Variants in SDK1 observed in about 807,000 individuals in gnomAD.
The protein encoded by SDK1 is protein sidekick-1.
Under a neutral mutation model 245.5 loss-of-function variants are expected in SDK1, and 157 were observed. That is an observed-to-expected ratio of 0.64 (90% CI 0.56 to 0.73). The LOEUF is 0.73. Among genes scored for constraint, SDK1 ranks in the 30% least tolerant of loss-of-function variants. The pLI, the probability that SDK1 is intolerant of heterozygous loss-of-function variation, is 0.00. For missense variants in SDK1, 3,583 were observed against 3,002.3 expected, an observed-to-expected ratio of 1.19 and a Z score of -4.52; for synonymous variants, 1,647 against 1,278.5, an observed-to-expected ratio of 1.29 and a Z score of -6.15.
intron 21 of SDK1, 149 bp downstream of exon 21, chr7:4,077,338 G>T: frequency 2.8e-6 from 2 of 722,034 alleles, no homozygotes; most frequent in Non-Finnish European, 4.6e-6. Flanking sequence ...GGGTAAATGG[G>T]TGTTGACCCC....
At chr7:3,659,821 C>T (rs754035793) in intron 4 of SDK1, among the ~76,000 whole-genome samples, 15 of 152,108 alleles carry the variant, frequency 9.9e-5, no homozygotes, top group South Asian at 2.1e-4. Context: ...GGGTGGATGA[C>T]GTGGAGAAAA....
intron 26 of SDK1, chr7:4,129,622 A>G (rs1784655607): frequency 2.4e-6 from 3 of 1,273,972 alleles, no homozygotes; most frequent in South Asian, 1.9e-5. Context: ...TGTGGTTGGC[A>G]TGGCTGCAGT....
chr7:3,722,238 T>C (rs963025688), intron 4 of SDK1, among the ~76,000 whole-genome samples: 1 of 152,092 alleles, frequency 6.6e-6, no homozygotes, highest in Non-Finnish European at 1.5e-5. Context: ...CTTGGTAGAC[T>C]GTACAGAAGA....
chr7:3,775,866 G>A (rs923354355), intron 4 of SDK1, among the ~76,000 whole-genome samples: 5 of 152,148 alleles, frequency 3.3e-5, no homozygotes, highest in African/African-American at 4.8e-5. Flanking sequence ...GTGAGCCACC[G>A]CGCCCGGCCT....
intron 5 of SDK1, among the ~76,000 whole-genome samples, chr7:3,824,087 A>G (rs1779712094): frequency 6.6e-6 from 1 of 152,008 alleles, no homozygotes; most frequent in African/African-American, 2.4e-5. Context: ...TGAGGGCTCT[A>G]AGCAATGAAC....
intron 1 of SDK1, among the ~76,000 whole-genome samples, chr7:3,509,485 C>G (rs983309241): frequency 6.6e-6 from 1 of 152,114 alleles, no homozygotes; most frequent in Non-Finnish European, 1.5e-5. Flanking sequence ...GTGCCTGGCA[C>G]GTGATAATTG....
intron 19 of SDK1, among the ~76,000 whole-genome samples, chr7:4,058,745 C>T (rs1330507459): frequency 6.6e-6 from 1 of 152,124 alleles, no homozygotes; most frequent in African/African-American, 2.4e-5. Flanking sequence ...GTACTATATG[C>T]ATAAAAGTTA....
At chr7:3,958,238 G>A in intron 7 of SDK1, 2 of 276,510 alleles carry the variant, frequency 7.2e-6, no homozygotes, top group Non-Finnish European at 1.4e-5. Flanking sequence ...TGACAAACTT[G>A]GCCATGCCTC....
chr7:3,832,632 C>T (rs555083944), intron 5 of SDK1, among the ~76,000 whole-genome samples: 3 of 152,226 alleles, frequency 2.0e-5, no homozygotes, highest in South Asian at 2.1e-4. Flanking sequence ...AAGAACACTT[C>T]GTATCTGAGA....
intron 5 of SDK1, among the ~76,000 whole-genome samples, chr7:3,822,887 A>G (rs968076349): frequency 6.6e-6 from 1 of 151,960 alleles, no homozygotes; most frequent in Non-Finnish European, 1.5e-5. Flanking sequence ...GAATCTTTGT[A>G]GCAAACTCTG....
intron 1 of SDK1, among the ~76,000 whole-genome samples, chr7:3,450,914 G>C (rs1041795466): frequency 6.6e-6 from 1 of 152,126 alleles, no homozygotes; most frequent in South Asian, 2.1e-4. Flanking sequence ...AGGAAGAGAG[G>C]AGTTTTGCGG....
intron 26 of SDK1, among the ~76,000 whole-genome samples, chr7:4,127,833 G>A (rs6979433): frequency 6.6e-6 from 1 of 152,194 alleles, no homozygotes; most frequent in Non-Finnish European, 1.5e-5. Flanking sequence ...GTGTCTCCCC[G>A]CTTGTAAAAC....
At chr7:4,211,956 A>G (rs1156313536) in intron 38 of SDK1, among the ~76,000 whole-genome samples, 2 of 152,196 alleles carry the variant, frequency 1.3e-5, no homozygotes, top group East Asian at 3.9e-4. Flanking sequence ...CTCTCCTGCC[A>G]TCCAGACACC....
chr7:3,494,430 T>G (rs980898328), intron 1 of SDK1, among the ~76,000 whole-genome samples: 1 of 152,066 alleles, frequency 6.6e-6, no homozygotes, highest in Non-Finnish European at 1.5e-5. Flanking sequence ...AATGATGACT[T>G]GTAAGGGTAT....
intron 5 of SDK1, among the ~76,000 whole-genome samples, chr7:3,858,377 C>A (rs941746322): frequency 2.6e-5 from 4 of 152,054 alleles, no homozygotes; most frequent in African/African-American, 7.2e-5. Flanking sequence ...CATAGTGAGA[C>A]CCCATCTCAA....
At chr7:3,657,759 C>A (rs1461312666) in intron 4 of SDK1, among the ~76,000 whole-genome samples, 1 of 152,144 alleles carries the variant, frequency 6.6e-6, no homozygotes, top group Non-Finnish European at 1.5e-5. Flanking sequence ...TTTTTCTTAT[C>A]TTTCTGCGAG....
intron 1 of SDK1, among the ~76,000 whole-genome samples, chr7:3,536,603 A>G (rs1230873284): frequency 6.6e-6 from 1 of 152,062 alleles, no homozygotes; most frequent in Non-Finnish European, 1.5e-5. Context: ...CTGAGGCACA[A>G]GAATTGCTCG....
chr7:3,620,290 T>C (rs1263993369), intron 2 of SDK1, among the ~76,000 whole-genome samples: 1 of 135,316 alleles, frequency 7.4e-6, no homozygotes, highest in Non-Finnish European at 1.6e-5. Context: ...AATATGAGAA[T>C]GCTTACAGCA....
At chr7:3,984,775 G>A (rs1365346546) in intron 13 of SDK1, among the ~76,000 whole-genome samples, 1 of 152,140 alleles carries the variant, frequency 6.6e-6, no homozygotes, top group Non-Finnish European at 1.5e-5. Context: ...ATGGTCATCT[G>A]ACATTGTGTC....
Sources: allele counts gnomAD v4.1 joint callset (sites outside exome capture counted in the v4.1 genomes callset), GRCh38; gene constraint gnomAD v4.1.1; transcripts MANE v1.5; gene names NCBI Gene and HGNC (gene_info 2026-07-23, HGNC 2026-07-21).